Variants in LSAMP observed in about 807,000 individuals in gnomAD.
The protein encoded by LSAMP is limbic system-associated membrane protein.
LSAMP carries 7 observed loss-of-function variants against 38.6 expected under a neutral mutation model. The observed-to-expected ratio is 0.18, with a 90% confidence interval of 0.10 to 0.34. The LOEUF (loss-of-function observed/expected upper bound fraction) is 0.34. LSAMP is among the 10% of genes least tolerant of loss of function. The pLI, the probability that LSAMP is intolerant of heterozygous loss-of-function variation, is 1.00. For synonymous variants in LSAMP, 154 were observed against 166.8 expected (o/e 0.92, Z 0.59); for missense variants, 313 against 420.0 (o/e 0.75, Z 2.23).
chr3:116,073,112 A>G (rs1404004693), intron 2 of LSAMP, among the ~76,000 whole-genome samples: 1 of 152,068 alleles, frequency 6.6e-6, no homozygotes, highest in Non-Finnish European at 1.5e-5. Flanking sequence ...TCCAATTTCA[A>G]TTTTCTGCAT....
At chr3:115,836,030 CTAT>C (rs929520942) in intron 6 of LSAMP, among the ~76,000 whole-genome samples, 13 of 152,096 alleles carry the variant, frequency 8.5e-5, no homozygotes, top group African/African-American at 3.1e-4. Flanking sequence ...TTTATTATTA[CTAT>C]TATTATTAGA....
Position 115,987,186 on chromosome 3 carries a change from G to C in LSAMP, c.514+32329C>G, listed in dbSNP as rs867655361. 3.9e-5 allele frequency among the ~76,000 whole-genome samples: 6 copies of C among 152,234 alleles called. No homozygotes were observed. The South Asian group carries it at 1.2e-3, about 32-fold the overall frequency. On this transcript the variant is annotated intron_variant, in intron 3 of 6. Transcript: ENST00000490035. ...TACCTCATTTCATTTTCTTCTTCCT[G>C]ATCACAAACAAGATCACATTTCTAA...
At chr3:116,030,597 T>A (rs1286142110) in intron 2 of LSAMP, among the ~76,000 whole-genome samples, 3 of 152,158 alleles carry the variant, frequency 2.0e-5, no homozygotes, top group African/African-American at 7.2e-5. Flanking sequence ...GAACAGGATT[T>A]AGATACTGTC....
chr3:116,395,226 T>C (rs527437959), intron 1 of LSAMP, among the ~76,000 whole-genome samples: 1 of 152,268 alleles, frequency 6.6e-6, no homozygotes, highest in East Asian at 1.9e-4. Context: ...TAAAGATGAA[T>C]CCACCATAAA....
At chr3:116,223,974 C>T (rs1172474564) in intron 1 of LSAMP, among the ~76,000 whole-genome samples, 1 of 152,020 alleles carries the variant, frequency 6.6e-6, no homozygotes, top group East Asian at 1.9e-4. Flanking sequence ...ATTTTCATTT[C>T]AAACTTTTCC....
intron 3 of LSAMP, among the ~76,000 whole-genome samples, chr3:115,993,331 T>C (rs971194615): frequency 1.3e-5 from 2 of 152,110 alleles, no homozygotes; most frequent in African/African-American, 4.8e-5. Context: ...TCATCTAGCA[T>C]TTCCATTTCT....
At chr3:116,432,122 T>A (rs2049289354) in intron 1 of LSAMP, among the ~76,000 whole-genome samples, 1 of 151,906 alleles carries the variant, frequency 6.6e-6, no homozygotes, top group African/African-American at 2.4e-5. Flanking sequence ...CATTGTGTGA[T>A]GCCTCTTATA....
chr3:115,938,922 A>G (rs1937801081), intron 3 of LSAMP, among the ~76,000 whole-genome samples: 1 of 152,216 alleles, frequency 6.6e-6, no homozygotes, highest in South Asian at 2.1e-4. Context: ...CCCTAGCACC[A>G]GAGAGCAGGT....
chr3:116,278,499 G>A (rs1322374886), intron 1 of LSAMP, among the ~76,000 whole-genome samples: 2 of 152,162 alleles, frequency 1.3e-5, no homozygotes, highest in Non-Finnish European at 2.9e-5. Flanking sequence ...CAAGAGAAAT[G>A]GAAAGCAGAA....
At chr3:116,184,286 T>A (rs965663511) in intron 1 of LSAMP, among the ~76,000 whole-genome samples, 1 of 151,870 alleles carries the variant, frequency 6.6e-6, no homozygotes, top group Non-Finnish European at 1.5e-5. Context: ...AGTTTACAGA[T>A]GAGAAAAGAG....
At chr3:115,930,001 A>ATTTTTTTTTT (rs1559885246) in intron 3 of LSAMP, among the ~76,000 whole-genome samples, 2 of 25,338 alleles carry the variant, frequency 7.9e-5, no homozygotes, top group South Asian at 2.1e-3. Context: ...ATTTAGCAGA[A>ATTTTTTTTTT]GTTTTTTTTT....
chr3:116,235,552 T>A (rs572914166), intron 1 of LSAMP, among the ~76,000 whole-genome samples: 1 of 152,158 alleles, frequency 6.6e-6, no homozygotes, highest in East Asian at 1.9e-4. Context: ...AATAATTGAA[T>A]CTCCAAAACT....
At chr3:115,836,626 C>G (rs1463017619) in intron 6 of LSAMP, among the ~76,000 whole-genome samples, 1 of 152,158 alleles carries the variant, frequency 6.6e-6, no homozygotes, top group Non-Finnish European at 1.5e-5. Context: ...TTAGCAAGGT[C>G]TCTTAACTCT....
At chr3:116,245,942 CA>C (rs1305920782) in intron 1 of LSAMP, among the ~76,000 whole-genome samples, 1 of 152,090 alleles carries the variant, frequency 6.6e-6, no homozygotes, top group Non-Finnish European at 1.5e-5. Flanking sequence ...CAAAGTAGGC[CA>C]AAAGGTAGGT....
intron 6 of LSAMP, among the ~76,000 whole-genome samples, chr3:115,826,100 CTTTTAT>C (rs147152802): frequency 0.16 from 23,698 of 148,976 alleles, 2,203 homozygotes; most frequent in Middle Eastern, 0.23. Context: ...CTCTTTCTGT[CTTTTAT>C]TTTTATTTTT....
chr3:115,834,613 T>G, intron 6 of LSAMP: 1 of 1,220,378 alleles, frequency 8.2e-7, no homozygotes, highest in African/African-American at 1.6e-5. Context: ...GGGGAAAAAA[T>G]AGTAATCATC....
At position 116,142,056 on chromosome 3, in the gene LSAMP, C is replaced by T. The variant is rs6795989; in HGVS notation, c.156-55500G>A. Among the ~76,000 whole-genome samples, 769 of 152,046 alleles carry T rather than the reference C, an allele frequency of 5.1e-3. 6 individuals carry two copies. Among genetic ancestry groups the T allele is most frequent in the African/African-American group, 0.017 (711 of 41,498 alleles). ...TCCTCAGTGAGGCAAATCATGCTCA[C>T]GAGTATAGTATAGCGGTAGGTGAAT... On this transcript the variant is annotated intron_variant, in intron 1 of 6. Transcript: ENST00000490035.
At chr3:115,997,076 G>A (rs573391361) in intron 3 of LSAMP, among the ~76,000 whole-genome samples, 142 of 152,270 alleles carry the variant, frequency 9.3e-4, no homozygotes, top group African/African-American at 3.3e-3. Flanking sequence ...ATGCCAGTGT[G>A]TACAGAAATC....
At chr3:115,840,841 A>AAACTTAGT (rs1029017238) in intron 6 of LSAMP, among the ~76,000 whole-genome samples, 9 of 152,162 alleles carry the variant, frequency 5.9e-5, no homozygotes, top group Non-Finnish European at 8.8e-5. Flanking sequence ...CAGAAAAAAA[A>AAACTTAGT]AACTTAGTGG....
Sources: gnomAD v4.1 joint callset for allele counts (sites outside exome capture counted in the v4.1 genomes callset) on GRCh38, gnomAD v4.1.1 for gene constraint, MANE v1.5 for transcripts, NCBI Gene and HGNC (gene_info 2026-07-23, HGNC 2026-07-21) for gene names.